PPFIA1: variants seen among roughly 807,000 people sequenced by gnomAD.
PPFIA1 encodes the protein liprin-alpha-1.
PPFIA1 carries 25 observed loss-of-function variants against 149.9 expected under a neutral mutation model. That is an observed-to-expected ratio of 0.17 (90% CI 0.12 to 0.23). The LOEUF is 0.23. PPFIA1 is among the 10% of genes least tolerant of loss of function. The pLI, the probability that PPFIA1 is intolerant of heterozygous loss-of-function variation, is 1.00. For missense variants in PPFIA1, 1,362 were observed against 1,506.5 expected (o/e 0.90, Z 1.59); for synonymous variants, 549 against 552.8 (o/e 0.99, Z 0.10).
chr11:70,273,052 C>T (rs979251929), intron 2 of PPFIA1, among the ~76,000 whole-genome samples: 1 of 152,096 alleles, frequency 6.6e-6, no homozygotes, highest in Non-Finnish European at 1.5e-5. Context: ...CTGAGGCAGG[C>T]GGATCACCTG....
Position 70,297,744 on chromosome 11 carries a change from C to T in PPFIA1, c.264+25308C>T, listed in dbSNP as rs573325612. The stretch of plus-strand genomic sequence containing the variant: ...CACTGGTTAGCCAGGCCCTGCTAGC[C>T]GGGCCCCATTTCCCCGTAATGTCTG... On this transcript the variant is annotated intron_variant, in intron 2 of 27. Coordinates refer to ENST00000253925, the MANE Select transcript of PPFIA1 (RefSeq NM_003626.5). Among the ~76,000 whole-genome samples the T allele has an allele frequency of 9.2e-5, 14 of 152,290 alleles. No individual in the cohort carries two copies. The East Asian group carries it at 2.1e-3, about 23-fold the overall frequency.
At chr11:70,356,989 G>T (rs993962189) in intron 19 of PPFIA1, among the ~76,000 whole-genome samples, 1 of 152,040 alleles carries the variant, frequency 6.6e-6, no homozygotes, top group African/African-American at 2.4e-5. Context: ...TGGAGGAATC[G>T]GGTTTCTGTC....
In PPFIA1 at chr11:70,296,543, G is replaced by A. The variant is rs988875040; in HGVS notation, c.264+24107G>A. Among the ~76,000 whole-genome samples the A allele has an allele frequency of 1.1e-4, 16 of 152,150 alleles. No homozygotes were observed. The East Asian group carries it at 1.7e-3, about 17-fold the overall frequency. ...AAAAAAATACGAAAACCAGTCAGGCGTGGCGGTGCGCGCCTGCAATCGCAG... is the reference window on the plus strand; with the variant it reads ...AAAAAAATACGAAAACCAGTCAGGCATGGCGGTGCGCGCCTGCAATCGCAG... On this transcript the variant is annotated intron_variant, in intron 2 of 27. Coordinates refer to ENST00000253925, the MANE Select transcript of PPFIA1 (RefSeq NM_003626.5).
chr11:70,366,300 G>A (rs2056932931), intron 21 of PPFIA1, among the ~76,000 whole-genome samples: 1 of 152,180 alleles, frequency 6.6e-6, no homozygotes. Flanking sequence ...GTAGGGTAAT[G>A]TTATTACAAG....
At chr11:70,310,147 A>AT (rs570238142) in intron 2 of PPFIA1, among the ~76,000 whole-genome samples, 48 of 152,346 alleles carry the variant, frequency 3.2e-4, no homozygotes, top group African/African-American at 1.2e-3. Flanking sequence ...AAGTTAAATC[A>AT]TTAAGGATAA....
intron 2 of PPFIA1, among the ~76,000 whole-genome samples, chr11:70,291,365 C>T (rs952162598): frequency 6.6e-6 from 1 of 152,158 alleles, no homozygotes; most frequent in African/African-American, 2.4e-5. Context: ...AATAGTGTGA[C>T]GTGGTATTTC....
Position 70,272,218 on chromosome 11 carries a change from C to A in PPFIA1, c.46C>A (p.Pro16Thr). Residue 16 changes from proline to threonine, a missense_variant, in exon 2 of 28, where the codon CCT (proline) becomes ACT (threonine). By Grantham distance (38) the Pro-to-Thr change is conservative. This residue lies in a region of PPFIA1 where 100 missense variants were observed against 106.2 expected (regional missense o/e 0.94). Transcript: ENST00000253925. Reference sequence around the variant, plus strand: ...GACCATCAGCGAAGCAGAAGGCCCCCCTGGAGGAGGTGGAGGCCATGGTTC... The same window carrying A: ...GACCATCAGCGAAGCAGAAGGCCCCACTGGAGGAGGTGGAGGCCATGGTTC... ...MPTISEAEGPPGGGGGHGSGS... is the reference protein window; with the variant it reads ...MPTISEAEGPTGGGGGHGSGS... 1.2e-6 allele frequency: 2 copies of A among 1,614,080 alleles called. No individual in the cohort carries two copies. The highest frequency in any genetic ancestry group is 1.7e-6 in the Non-Finnish European group (2 of 1,180,012).
In PPFIA1 at chr11:70,383,109, A is replaced by C. The variant is rs2057770643; in HGVS notation, c.*119A>C. 2 of 385,020 alleles carry C rather than the reference A, an allele frequency of 5.2e-6. No homozygotes were observed. The highest frequency in any genetic ancestry group is 9.8e-6 in the Non-Finnish European group (2 of 203,350). 23.9% of individuals were successfully genotyped at this position (385,020 alleles called of 1,614,324 possible). On this transcript the variant is annotated 3_prime_UTR_variant, in exon 28 of 28. Transcript: ENST00000253925. ...AATCTTGTTAATACTTGTTATATGG[A>C]CCCTAAGATATTTTATTACAGAGTT... is the stretch of plus-strand genomic sequence containing the variant.
rs71046599 is a variant in PPFIA1 at position 70,279,722 on chromosome 11, G to GGTGTGTGTGTGT, written c.264+7315_264+7326dup. On this transcript the variant is annotated intron_variant, in intron 2 of 27. Transcript: ENST00000253925. Reference sequence around the variant, plus strand: ...TAGACCTTTTCTGTGTATGTGTCTAGGTGTGTGTGTGTGTGTGTGTGTGTG... The same window carrying GGTGTGTGTGTGT: ...TAGACCTTTTCTGTGTATGTGTCTAGGTGTGTGTGTGTGTGTGTGTGTGTGTGTGTGTGTGTG... Among the ~76,000 whole-genome samples, 28 of 135,394 alleles carry GGTGTGTGTGTGT rather than the reference G, an allele frequency of 2.1e-4. 1 individual carries two copies. The Middle Eastern group carries it at 0.012, about 56-fold the overall frequency. The allele number at this position is 135,394 out of a possible 152,430, so 88.8% of individuals were successfully genotyped here. A position where few individuals can be genotyped will look rare whatever the true frequency, so the allele number is the denominator to read the frequency against.
intron 2 of PPFIA1, among the ~76,000 whole-genome samples, chr11:70,295,961 C>G (rs1430718510): frequency 6.6e-6 from 1 of 150,730 alleles, no homozygotes; most frequent in Non-Finnish European, 1.5e-5. Flanking sequence ...CCTCCCTTCT[C>G]AGATGGGGCG....
intron 24 of PPFIA1, among the ~76,000 whole-genome samples, chr11:70,376,325 C>A (rs943570261): frequency 4.6e-5 from 7 of 151,612 alleles, no homozygotes; most frequent in African/African-American, 1.7e-4. Flanking sequence ...CGGGGTTTTA[C>A]CATGTTGCCC....
At chr11:70,350,742 A>G (rs2056006038) in intron 16 of PPFIA1, among the ~76,000 whole-genome samples, 1 of 152,198 alleles carries the variant, frequency 6.6e-6, no homozygotes, top group Non-Finnish European at 1.5e-5. Context: ...AGAATGCCAT[A>G]TTTTAATAAA....
intron 26 of PPFIA1, among the ~76,000 whole-genome samples, chr11:70,378,882 TC>T (rs2135464139): frequency 6.6e-6 from 1 of 152,300 alleles, no homozygotes; most frequent in East Asian, 1.9e-4. Context: ...TCCTTACAGG[TC>T]TCTCAACTCT....
At chr11:70,299,432 CT>C (rs1240761241) in intron 2 of PPFIA1, among the ~76,000 whole-genome samples, 1 of 152,126 alleles carries the variant, frequency 6.6e-6, no homozygotes, top group African/African-American at 2.4e-5. Flanking sequence ...AGGTAAACCC[CT>C]GTGAAAAGAA....
intron 15 of PPFIA1, chr11:70,345,805 T>C: frequency 4.6e-6 from 1 of 215,132 alleles, no homozygotes; most frequent in South Asian, 5.3e-5. Context: ...CCAGCCAGGA[T>C]GACAGAGTGA....
rs552282 is a variant in PPFIA1 at position 70,383,065 on chromosome 11, G to A, written c.*75G>A. 0.38 allele frequency: 153,653 copies of A among 409,048 alleles called. 31,813 individuals carry two copies. The highest frequency in any genetic ancestry group is 0.65 in the African/African-American group (29,861 of 46,226). The allele number at this position is 409,048 out of a possible 1,614,324, so 25.3% of individuals were successfully genotyped here. ...TTGAATCCAACAAAGACTACATTTT[G>A]GAATCCAGTGGAATCTTTAATCTTG... is the stretch of plus-strand genomic sequence containing the variant. On this transcript the variant is annotated 3_prime_UTR_variant, in exon 28 of 28. Transcript: ENST00000253925.
In PPFIA1 at chr11:70,348,162, G is replaced by A. The variant is rs746969862; in HGVS notation, c.1932-27G>A. 8 of 1,605,098 alleles carry A rather than the reference G, an allele frequency of 5.0e-6. No homozygotes were observed. The Admixed American group carries it at 1.2e-4, about 23-fold the overall frequency. ...CATTAATCTGTTTGCCGAAACAGGA[G>A]GACTGACTGCTTTTGTTTTATTTTA... On this transcript the variant is annotated intron_variant, in intron 15 of 27. Transcript: ENST00000253925.
intron 10 of PPFIA1, among the ~76,000 whole-genome samples, chr11:70,334,987 A>T (rs1016901714): frequency 6.6e-6 from 1 of 152,180 alleles, no homozygotes; most frequent in Non-Finnish European, 1.5e-5. Flanking sequence ...AATAATAGAC[A>T]TGTCAGTTTT....
intron 21 of PPFIA1, chr11:70,367,368 T>A (rs2056994402): frequency 2.7e-6 from 1 of 365,438 alleles, no homozygotes; most frequent in Non-Finnish European, 5.4e-6. Flanking sequence ...CAAGGCGTGG[T>A]CAAAACCATT....
Sources: allele counts gnomAD v4.1 joint callset (sites outside exome capture counted in the v4.1 genomes callset), GRCh38; gene constraint gnomAD v4.1.1; regional missense constraint gnomAD v4.1.1; transcripts MANE v1.5; gene names NCBI Gene and HGNC (gene_info 2026-07-23, HGNC 2026-07-21).